Variants in ARHGEF38 observed in about 807,000 individuals in gnomAD.
The protein encoded by ARHGEF38 is Rho guanine nucleotide exchange factor (GEF) 38.
Under a neutral mutation model 79.9 loss-of-function variants are expected in ARHGEF38, and 79 were observed. That is an observed-to-expected ratio of 0.99 (90% CI 0.82 to 1.19). The LOEUF (loss-of-function observed/expected upper bound fraction) is 1.19, where lower values mean the gene tolerates loss of function less well. Among genes scored for constraint, ARHGEF38 ranks in the 50% most tolerant of loss-of-function variants. ARHGEF38 has a pLI of 0.00. For missense variants in ARHGEF38, 962 were observed against 907.2 expected (o/e 1.06, Z -0.78); for synonymous variants, 366 against 328.3 (o/e 1.11, Z -1.24).
chr4:105,674,429 A>T (rs1299518329), intron 13 of ARHGEF38, among the ~76,000 whole-genome samples: 3 of 152,156 alleles, frequency 2.0e-5, no homozygotes, highest in Non-Finnish European at 2.9e-5. Flanking sequence ...AGCATTTAAG[A>T]TTAGAAAGTT....
chr4:105,622,806 A>G (rs1728791361), intron 3 of ARHGEF38, among the ~76,000 whole-genome samples: 2 of 152,308 alleles, frequency 1.3e-5, no homozygotes, highest in South Asian at 4.1e-4. Context: ...TTTTGGGGGA[A>G]TATAACCATT....
chr4:105,650,794 A>G (rs1042663912), intron 7 of ARHGEF38, among the ~76,000 whole-genome samples: 1 of 152,196 alleles, frequency 6.6e-6, no homozygotes. Flanking sequence ...ATATCCTTCT[A>G]GGGGCTAACT....
At chr4:105,654,469 C>A (rs1017967133) in intron 8 of ARHGEF38, among the ~76,000 whole-genome samples, 4 of 152,138 alleles carry the variant, frequency 2.6e-5, no homozygotes, top group African/African-American at 9.7e-5. Flanking sequence ...GAGATGAGTT[C>A]ATTAACACAA....
chr4:105,653,493 A>G (rs904535672), intron 7 of ARHGEF38, among the ~76,000 whole-genome samples: 1 of 151,820 alleles, frequency 6.6e-6, no homozygotes, highest in Admixed American at 6.6e-5. Context: ...TGGCTACTTT[A>G]TGTATGTTTA....
chr4:105,661,023 A>C (rs893297472), intron 10 of ARHGEF38, among the ~76,000 whole-genome samples: 2 of 152,166 alleles, frequency 1.3e-5, no homozygotes, highest in African/African-American at 4.8e-5. Flanking sequence ...CTATCAATTT[A>C]CTTTCTGCCT....
intron 1 of ARHGEF38, among the ~76,000 whole-genome samples, chr4:105,555,320 A>T (rs1483256280): frequency 6.6e-6 from 1 of 152,160 alleles, no homozygotes; most frequent in East Asian, 1.9e-4. Context: ...TAACCCTTAA[A>T]AGAATCCAAG....
intron 5 of ARHGEF38, among the ~76,000 whole-genome samples, chr4:105,643,486 A>G (rs948700260): frequency 2.6e-5 from 4 of 152,198 alleles, no homozygotes; most frequent in African/African-American, 9.7e-5. Context: ...CTCTTATGCT[A>G]TCATCATTTT....
chr4:105,608,195 G>A (rs183120027), intron 2 of ARHGEF38, among the ~76,000 whole-genome samples: 82 of 152,148 alleles, frequency 5.4e-4, no homozygotes, highest in Non-Finnish European at 7.8e-4. Context: ...CAGTGTGCAA[G>A]AGTTCACTAT....
At chr4:105,629,957 A>C (rs1386653157) in intron 3 of ARHGEF38, among the ~76,000 whole-genome samples, 1 of 152,182 alleles carries the variant, frequency 6.6e-6, no homozygotes, top group Non-Finnish European at 1.5e-5. Context: ...AGAGAGCCTC[A>C]GGAAATATTA....
chr4:105,656,940 A>G (rs1165022435), intron 9 of ARHGEF38, among the ~76,000 whole-genome samples: 2 of 152,144 alleles, frequency 1.3e-5, no homozygotes, highest in Non-Finnish European at 2.9e-5. Flanking sequence ...ATCTGAGCTA[A>G]TATGATAGAG....
At chr4:105,632,803 A>G (rs988231169) in intron 4 of ARHGEF38, 1 of 152,286 alleles carries the variant, frequency 6.6e-6, no homozygotes, top group Non-Finnish European at 1.5e-5. Context: ...CCTCTACTTT[A>G]GGCATGCGCT....
chr4:105,570,048 A>G (rs1726144634), intron 1 of ARHGEF38: 1 of 152,156 alleles, frequency 6.6e-6, no homozygotes, highest in Non-Finnish European at 1.5e-5. Context: ...AGTTCCAGTC[A>G]GGGAGTGAAG....
At chr4:105,620,413 G>A (rs1453566845) in intron 3 of ARHGEF38, among the ~76,000 whole-genome samples, 1 of 152,118 alleles carries the variant, frequency 6.6e-6, no homozygotes, top group Non-Finnish European at 1.5e-5. Context: ...TTTTTATGAA[G>A]ATTTGACAAA....
intron 2 of ARHGEF38, among the ~76,000 whole-genome samples, chr4:105,601,927 A>C (rs1315510075): frequency 1.3e-5 from 2 of 152,136 alleles, no homozygotes; most frequent in African/African-American, 4.8e-5. Flanking sequence ...TATCTTGTTT[A>C]CTTTTTTCCT....
intron 2 of ARHGEF38, among the ~76,000 whole-genome samples, chr4:105,609,695 A>G (rs1018403562): frequency 8.5e-5 from 13 of 152,118 alleles, no homozygotes; most frequent in African/African-American, 2.4e-4. Context: ...ACATTACCTG[A>G]TTTTAAAACC....
intron 3 of ARHGEF38, among the ~76,000 whole-genome samples, chr4:105,621,326 G>T (rs1728728329): frequency 6.6e-6 from 1 of 152,156 alleles, no homozygotes. Flanking sequence ...TCTTATATGT[G>T]TTTGCATATT....
intron 5 of ARHGEF38, among the ~76,000 whole-genome samples, chr4:105,640,645 G>T (rs886652954): frequency 3.9e-5 from 6 of 152,086 alleles, no homozygotes; most frequent in African/African-American, 1.4e-4. Flanking sequence ...TCCTTCAGTA[G>T]TTTCTTCTAT....
chr4:105,638,340 C>A (rs982269487), intron 5 of ARHGEF38, among the ~76,000 whole-genome samples: 4 of 152,020 alleles, frequency 2.6e-5, no homozygotes, highest in Non-Finnish European at 5.9e-5. Flanking sequence ...TGACAGCAAT[C>A]ATAGAACTTC....
chr4:105,559,346 A>G (rs1725406881), intron 1 of ARHGEF38, among the ~76,000 whole-genome samples: 1 of 152,128 alleles, frequency 6.6e-6, no homozygotes, highest in Non-Finnish European at 1.5e-5. Context: ...TCAAGGGCAG[A>G]CTGTGGTTGC....
Sources: gnomAD v4.1 joint callset for allele counts (sites outside exome capture counted in the v4.1 genomes callset) on GRCh38, gnomAD v4.1.1 for gene constraint, MANE v1.5 for transcripts, NCBI Gene and HGNC (gene_info 2026-07-23, HGNC 2026-07-21) for gene names.